Variants in SDC3 observed in about 807,000 individuals in gnomAD.
SDC3 encodes the protein syndecan-3.
Under a neutral mutation model 24.4 loss-of-function variants are expected in SDC3, and 13 were observed. The observed-to-expected ratio is 0.53, with a 90% CI of 0.35 to 0.85. The LOEUF (loss-of-function observed/expected upper bound fraction) is 0.85. SDC3 is among the 40% of genes least tolerant of loss of function. The pLI is 0.01. For missense variants in SDC3, 571 were observed against 584.5 expected, an observed-to-expected ratio of 0.98 and a Z score of 0.24; for synonymous variants, 295 against 260.9, an observed-to-expected ratio of 1.13 and a Z score of -1.26.
In SDC3 at chr1:30,869,557, A is replaced by AC; in HGVS notation, c.*3653_*3654insG. 1 of 376,490 alleles carries AC rather than the reference A, an allele frequency of 2.7e-6. No individual in the cohort carries two copies. The highest frequency in any genetic ancestry group is 4.6e-6 in the Non-Finnish European group (1 of 218,588). The allele number at this position is 376,490 out of a possible 1,614,324, so 23.3% of individuals were successfully genotyped here. ...CAAACAAAAAAAAAAAAAAAAAAAA[A>AC]AAAACAAAAACAAAACCAGTTCCTT... On this transcript the variant is annotated 3_prime_UTR_variant, in exon 5 of 5. Transcript: ENST00000339394.
At position 30,872,139 on chromosome 1, in the gene SDC3, G is replaced by A. The variant is rs539452236; in HGVS notation, c.*1072C>T. On this transcript the variant is annotated 3_prime_UTR_variant, in exon 5 of 5. Coordinates refer to ENST00000339394, the MANE Select transcript of SDC3 (RefSeq NM_014654.4). ...GGTTGGTGTGGGCACCATGGCATGG[G>A]ACTGAGTATGACGGGGCAACTTAGG... 2.6e-5 allele frequency: 4 copies of A among 152,488 alleles called. No individual in the cohort carries two copies. In the East Asian group the frequency reaches 7.7e-4, roughly 29 times the overall value. The allele number at this position is 152,488 out of a possible 1,614,324, so 9.4% of individuals were successfully genotyped here.
chr1:30,903,397 A>G (rs1380505353), intron 1 of SDC3, among the ~76,000 whole-genome samples: 2 of 151,958 alleles, frequency 1.3e-5, no homozygotes, highest in African/African-American at 2.4e-5. Context: ...CCAGACATAA[A>G]CTCCCTTCCG....
chr1:30,900,381 G>A (rs1638388983), intron 1 of SDC3, among the ~76,000 whole-genome samples: 1 of 152,180 alleles, frequency 6.6e-6, no homozygotes, highest in Non-Finnish European at 1.5e-5. Context: ...CATCTTGAAG[G>A]CAGGAACCAG....
Position 30,873,131 on chromosome 1 carries a change from C to A in SDC3, c.*80G>T. 2 of 1,076,934 alleles carry A rather than the reference C, an allele frequency of 1.9e-6. No individual in the cohort carries two copies. The highest frequency in any genetic ancestry group is 2.8e-6 in the Non-Finnish European group (2 of 708,278). 66.7% of individuals were successfully genotyped at this position (1,076,934 alleles called of 1,614,324 possible). A position where few individuals can be genotyped will look rare whatever the true frequency, so the allele number is the denominator to read the frequency against. On this transcript the variant is annotated 3_prime_UTR_variant, in exon 5 of 5. Transcript: ENST00000339394. Reference sequence around the variant, plus strand: ...CTGGGGCCAGGTTCCAGGCCCAGTCCCAGGCTTGGGCTGGTGGGGCCAGGC... The same window carrying A: ...CTGGGGCCAGGTTCCAGGCCCAGTCACAGGCTTGGGCTGGTGGGGCCAGGC...
chr1:30,883,502 T>C (rs564758986), intron 1 of SDC3, among the ~76,000 whole-genome samples: 1 of 152,310 alleles, frequency 6.6e-6, no homozygotes, highest in Admixed American at 6.5e-5. Context: ...ACTTTGGATG[T>C]GTTACTTAAC....
chr1:30,902,898 T>C (rs1279850464), intron 1 of SDC3, among the ~76,000 whole-genome samples: 3 of 152,222 alleles, frequency 2.0e-5, no homozygotes, highest in African/African-American at 4.8e-5. Context: ...CTGCCTGGGC[T>C]CCATAGCTCA....
At position 30,872,900 on chromosome 1, in the gene SDC3, C is replaced by T. The variant is rs3820088; in HGVS notation, c.*311G>A. The stretch of plus-strand genomic sequence containing the variant: ...TCATCTCAAGCCCCACCCTTTCTTC[C>T]ACCACCAGCCAATCAGGAGCTTTCT... On this transcript the variant is annotated 3_prime_UTR_variant, in exon 5 of 5. Transcript: ENST00000339394. The T allele has an allele frequency of 0.19, 69,224 of 367,812 alleles. 7,588 individuals are homozygous for T. The highest frequency in any genetic ancestry group is 0.32 in the African/African-American group (15,588 of 49,016). The allele number at this position is 367,812 out of a possible 1,614,324, so 22.8% of individuals were successfully genotyped here.
At chr1:30,903,330 C>A (rs1347972423) in intron 1 of SDC3, among the ~76,000 whole-genome samples, 2 of 152,170 alleles carry the variant, frequency 1.3e-5, no homozygotes, top group Non-Finnish European at 2.9e-5. Context: ...GCTTTTTAGA[C>A]CCCTCTCATC....
chr1:30,886,743 C>T (rs963823115), intron 1 of SDC3, among the ~76,000 whole-genome samples: 1 of 152,152 alleles, frequency 6.6e-6, no homozygotes, highest in Non-Finnish European at 1.5e-5. Flanking sequence ...AAAGGCTGGG[C>T]CATTCCATCC....
chr1:30,879,295 G>A (rs1266828466), intron 1 of SDC3, among the ~76,000 whole-genome samples: 1 of 152,142 alleles, frequency 6.6e-6, no homozygotes, highest in Non-Finnish European at 1.5e-5. Flanking sequence ...AGGGAGCCAG[G>A]AGGTGCCCCC....
intron 2 of SDC3, chr1:30,878,172 G>A (rs1639680667): frequency 1.9e-5 from 3 of 157,420 alleles, no homozygotes; most frequent in South Asian, 2.0e-4. Context: ...AGTGGGGTTC[G>A]CGGTGCCCTT....
chr1:30,876,729 G>C lies in SDC3; in HGVS notation c.693C>G (p.Ser231=). 6.3e-7 allele frequency: 1 copy of C among 1,593,210 alleles called. No individual in the cohort carries two copies. Residue 231 remains serine (S), a synonymous_variant, in exon 3 of 5, where the codon TCC becomes TCG. Coordinates refer to ENST00000339394, the MANE Select transcript of SDC3 (RefSeq NM_014654.4). ...CCAAGACAGCCGCCGTGGTGGGCGG[G>C]GAGGGCGCCTCGGGGGTAGTGGCCC... is the stretch of plus-strand genomic sequence containing the variant. ...TARATTPEAP[S]PPTTAAVLDT...
In SDC3 at chr1:30,872,308, T is replaced by A. The variant is rs904141934; in HGVS notation, c.*903A>T. 1 of 152,406 alleles carries A rather than the reference T, an allele frequency of 6.6e-6. No homozygotes were observed. Among genetic ancestry groups the A allele is most frequent in the Non-Finnish European group, 1.5e-5 (1 of 68,098 alleles). 9.4% of individuals were successfully genotyped at this position (152,406 alleles called of 1,614,324 possible). On this transcript the variant is annotated 3_prime_UTR_variant, in exon 5 of 5. Coordinates refer to ENST00000339394, the MANE Select transcript of SDC3 (RefSeq NM_014654.4). ...ACTGTCACTGTCATGTGACCATGACTAGTGACTTGCATTGCAGTACGTGTC... is the reference window on the plus strand; with the variant it reads ...ACTGTCACTGTCATGTGACCATGACAAGTGACTTGCATTGCAGTACGTGTC...
chr1:30,877,970 A>C (rs1639677745), intron 2 of SDC3: 1 of 152,596 alleles, frequency 6.6e-6, no homozygotes, highest in Non-Finnish European at 1.5e-5. Context: ...CCGTGCCCTC[A>C]CTGGGCCCAG....
intron 1 of SDC3, among the ~76,000 whole-genome samples, chr1:30,894,284 GGAGT>G (rs1234585503): frequency 2.9e-5 from 4 of 138,646 alleles, no homozygotes; most frequent in Non-Finnish European, 6.3e-5. Context: ...TGTGTGTGGG[GGAGT>G]GAGAGAGTGT....
In SDC3 at chr1:30,874,303, G is replaced by A. The variant is rs1639592466; in HGVS notation, c.1156C>T (p.Leu386Phe). 6.2e-6 allele frequency: 10 copies of A among 1,606,020 alleles called. No individual in the cohort carries two copies. Among genetic ancestry groups the A allele is most frequent in the Non-Finnish European group, 8.5e-6 (10 of 1,175,882 alleles). Residue 386 changes from leucine (L) to phenylalanine (F), a missense_variant, in exon 4 of 5, where the codon CTC (leucine) becomes TTC (phenylalanine). Physicochemically the swap from Leu to Phe is conservative, Grantham distance 22. Coordinates refer to ENST00000339394, the MANE Select transcript of SDC3 (RefSeq NM_014654.4). ...QKSILERKEV[L>F]VAVIVGGVVG... ...CCCAGACCCCAAGCCTCACCTACGA[G>A]CACCTCCTTCCGCTCCAGGATACTC...
chr1:30,891,129 C>T (rs2124330032), intron 1 of SDC3, among the ~76,000 whole-genome samples: 1 of 152,350 alleles, frequency 6.6e-6, no homozygotes. Flanking sequence ...TCACCCCTGG[C>T]TGCCCTCAGG....
In SDC3 at chr1:30,908,594, GC is replaced by G. The variant is rs1638582501; in HGVS notation, c.-9del. The G allele has an allele frequency of 1.0e-6, 1 of 970,992 alleles. No homozygotes were observed. Among genetic ancestry groups the G allele is most frequent in the Non-Finnish European group, 1.2e-6 (1 of 821,548 alleles). 60.1% of individuals were successfully genotyped at this position (970,992 alleles called of 1,614,324 possible). A position where few individuals can be genotyped will look rare whatever the true frequency, so the allele number is the denominator to read the frequency against. On this transcript the variant is annotated 5_prime_UTR_variant, in exon 1 of 5. Coordinates refer to ENST00000339394, the MANE Select transcript of SDC3 (RefSeq NM_014654.4). The stretch of plus-strand genomic sequence containing the variant: ...CGGCGGCCCCGGCTTCATGGCGGCG[GC>G]GCGGGCGCGGGCGGCGGGCGGCGGG...
At chr1:30,894,351 T>TAA (rs2124334920) in intron 1 of SDC3, among the ~76,000 whole-genome samples, 1 of 53,196 alleles carries the variant, frequency 1.9e-5, no homozygotes, top group South Asian at 9.2e-4. Flanking sequence ...GGTGTGTGGA[T>TAA]GAGTGTGTGT....
Sources: gnomAD v4.1 joint callset for allele counts (sites outside exome capture counted in the v4.1 genomes callset) on GRCh38, gnomAD v4.1.1 for gene constraint, MANE v1.5 for transcripts, NCBI Gene and HGNC (gene_info 2026-07-23, HGNC 2026-07-21) for gene names.